The following KIF13B variants were observed in gnomAD, a reference collection of about 807,000 sequenced individuals.
The protein encoded by KIF13B is kinesin-like protein KIF13B.
Under a neutral mutation model 222.0 loss-of-function variants are expected in KIF13B, and 127 were observed. That is an observed-to-expected ratio of 0.57 (90% CI 0.50 to 0.66). KIF13B has a LOEUF of 0.66. Among genes scored for constraint, KIF13B ranks in the 30% least tolerant of loss-of-function variants. KIF13B has a pLI of 0.00. For missense variants in KIF13B, 2,173 were observed against 2,379.0 expected, an observed-to-expected ratio of 0.91 and a Z score of 1.80; for synonymous variants, 976 against 919.0, an observed-to-expected ratio of 1.06 and a Z score of -1.12.
chr8:29,170,753 A>C (rs1423979254), intron 10 of KIF13B, among the ~76,000 whole-genome samples: 4 of 152,232 alleles, frequency 2.6e-5, no homozygotes, highest in East Asian at 1.9e-4. Context: ...CAGCTCATAA[A>C]GGACCTTGTA....
intron 6 of KIF13B, among the ~76,000 whole-genome samples, chr8:29,184,673 A>G (rs1383453187): frequency 6.6e-6 from 1 of 152,222 alleles, no homozygotes; most frequent in Non-Finnish European, 1.5e-5. Context: ...CAAACATAGG[A>G]GAAATTACTA....
intron 2 of KIF13B, among the ~76,000 whole-genome samples, chr8:29,219,884 G>A (rs1814664924): frequency 6.6e-6 from 1 of 152,122 alleles, no homozygotes; most frequent in African/African-American, 2.4e-5. Flanking sequence ...GGAACATGGT[G>A]AAACCCCATC....
At chr8:29,220,923 C>A (rs1814713967) in intron 2 of KIF13B, among the ~76,000 whole-genome samples, 1 of 151,886 alleles carries the variant, frequency 6.6e-6, no homozygotes, top group African/African-American at 2.4e-5. Flanking sequence ...CCAGCCTGGG[C>A]AACACAGCAA....
At chr8:29,218,614 G>C (rs1224710929) in intron 2 of KIF13B, among the ~76,000 whole-genome samples, 3 of 152,110 alleles carry the variant, frequency 2.0e-5, no homozygotes, top group Non-Finnish European at 4.4e-5. Context: ...AGAATGGCAC[G>C]GCTAAGAATT....
intron 8 of KIF13B, among the ~76,000 whole-genome samples, chr8:29,178,474 C>T (rs185298304): frequency 3.2e-4 from 49 of 152,056 alleles, no homozygotes; most frequent in Admixed American, 9.8e-4. Context: ...TTATCAAGCA[C>T]ATACATGTAA....
At chr8:29,073,474 C>A (rs956162907) in intron 38 of KIF13B, among the ~76,000 whole-genome samples, 1 of 152,158 alleles carries the variant, frequency 6.6e-6, no homozygotes, top group African/African-American at 2.4e-5. Flanking sequence ...TAACTGAAGC[C>A]ATGTGAAGAG....
At chr8:29,153,221 G>A (rs1811376973) in intron 14 of KIF13B, among the ~76,000 whole-genome samples, 1 of 152,130 alleles carries the variant, frequency 6.6e-6, no homozygotes, top group African/African-American at 2.4e-5. Context: ...AACCATTACA[G>A]CCAATAATGA....
chr8:29,247,833 CAAAAAAAA>C (rs57720312), intron 1 of KIF13B, among the ~76,000 whole-genome samples: 1 of 54,414 alleles, frequency 1.8e-5, no homozygotes, highest in Non-Finnish European at 3.9e-5. Flanking sequence ...GACCCTGTCT[CAAAAAAAA>C]AAAAAAAAAA....
intron 38 of KIF13B, among the ~76,000 whole-genome samples, chr8:29,073,793 T>TC (rs1249421595): frequency 1.3e-5 from 2 of 152,084 alleles, no homozygotes; most frequent in Admixed American, 6.5e-5. Flanking sequence ...GGCCCTCTTT[T>TC]CCCCACCAAC....
At chr8:29,097,274 A>C (rs565362844) in intron 36 of KIF13B, among the ~76,000 whole-genome samples, 1 of 109,952 alleles carries the variant, frequency 9.1e-6, no homozygotes, top group East Asian at 3.8e-4. Context: ...AACAATCTTA[A>C]ATGTGTTATA....
intron 21 of KIF13B, among the ~76,000 whole-genome samples, chr8:29,135,111 A>T (rs1269920942): frequency 1.3e-5 from 2 of 152,122 alleles, no homozygotes; most frequent in African/African-American, 4.8e-5. Context: ...TGGCACAATC[A>T]TGGCTAACTG....
intron 2 of KIF13B, among the ~76,000 whole-genome samples, chr8:29,223,646 T>A (rs1475793143): frequency 6.6e-6 from 1 of 152,234 alleles, no homozygotes; most frequent in Admixed American, 6.5e-5. Context: ...CTCTGGTTAA[T>A]GTATGTTATT....
intron 35 of KIF13B, among the ~76,000 whole-genome samples, chr8:29,099,949 G>A (rs548884675): frequency 6.6e-6 from 1 of 152,186 alleles, no homozygotes; most frequent in South Asian, 2.1e-4. Context: ...AGAAACCCAC[G>A]AACAACTCTA....
chr8:29,250,118 G>T, intron 1 of KIF13B: 1 of 1,131,266 alleles, frequency 8.8e-7, no homozygotes, highest in Non-Finnish European at 1.2e-6. Flanking sequence ...TCAACTCTCC[G>T]GAAATCTACT....
intron 2 of KIF13B, among the ~76,000 whole-genome samples, chr8:29,211,810 T>G (rs1331708716): frequency 1.3e-5 from 2 of 152,244 alleles, no homozygotes; most frequent in Non-Finnish European, 2.9e-5. Flanking sequence ...TTGCTACAAT[T>G]GCTAATTTCT....
chr8:29,155,602 C>T (rs1339358790), intron 14 of KIF13B, 124 bp downstream of exon 14: 6 of 756,012 alleles, frequency 7.9e-6, no homozygotes, highest in Non-Finnish European at 1.3e-5. Context: ...TGTAAGGGGC[C>T]CGCCCAACCA....
At chr8:29,080,344 A>AG (rs1247277158) in intron 37 of KIF13B, among the ~76,000 whole-genome samples, 3 of 151,368 alleles carry the variant, frequency 2.0e-5, no homozygotes, top group African/African-American at 7.3e-5. Flanking sequence ...AAAAAAAAAA[A>AG]AAAAACCAAC....
intron 35 of KIF13B, among the ~76,000 whole-genome samples, chr8:29,104,500 A>G (rs752775049): frequency 4.6e-5 from 7 of 152,190 alleles, no homozygotes; most frequent in Non-Finnish European, 1.0e-4. Flanking sequence ...TGATAACTGC[A>G]TACATTTGTA....
At chr8:29,160,139 T>C (rs1811709850) in intron 13 of KIF13B, among the ~76,000 whole-genome samples, 1 of 152,264 alleles carries the variant, frequency 6.6e-6, no homozygotes, top group Admixed American at 6.5e-5. Flanking sequence ...GTCTCTTATC[T>C]TACTAATATA....
Sources: gnomAD v4.1 joint callset for allele counts (sites outside exome capture counted in the v4.1 genomes callset) on GRCh38, gnomAD v4.1.1 for gene constraint, MANE v1.5 for transcripts, NCBI Gene and HGNC (gene_info 2026-07-23, HGNC 2026-07-21) for gene names.